Variants in KASH5 observed in about 807,000 individuals in gnomAD.
The protein encoded by KASH5 is protein KASH5.
A neutral mutation model predicts 84.2 loss-of-function variants in KASH5; 72 were observed. The ratio of observed to expected loss-of-function variants is 0.85; its 90% CI spans 0.71 to 1.04. The LOEUF (loss-of-function observed/expected upper bound fraction) is 1.04. Among genes scored for constraint, KASH5 ranks in the 50% least tolerant of loss-of-function variants. The probability of loss-of-function intolerance (pLI) is 0.00; values close to 1 mark genes in which losing one functional copy is unlikely to be tolerated. For missense variants in KASH5, 650 were observed against 701.0 expected, an observed-to-expected ratio of 0.93 and a Z score of 0.82; for synonymous variants, 260 against 279.1, an observed-to-expected ratio of 0.93 and a Z score of 0.68.
chr19:49,392,802 C>T (rs148320499), intron 2 of KASH5, among the ~76,000 whole-genome samples: 1,746 of 152,130 alleles, frequency 0.011, 39 homozygotes, highest in African/African-American at 0.04. Flanking sequence ...ATCCCAGCTA[C>T]TCGGGAGGCT....
chr19:49,413,339 G>A (rs1051680539), intron 16 of KASH5, among the ~76,000 whole-genome samples: 2 of 152,328 alleles, frequency 1.3e-5, no homozygotes, highest in South Asian at 2.1e-4. Context: ...TTTGCAGTCA[G>A]GCTGGTGTAA....
In KASH5 at chr19:49,395,833, G is replaced by A; in HGVS notation, c.400G>A (p.Gly134Arg). ...GALTSRQLPSGCPEAEEPANL... is the reference protein window; with the variant it reads ...GALTSRQLPSRCPEAEEPANL... ...CCTGACCTCCCGGCAACTGCCATCT[G>A]GTGAGATTGCTATATATAGAATGAA... The change falls in exon 5 of 20, where the codon GGA becomes AGA. Residue 134 changes from glycine (G) to arginine (R), a missense_variant and splice_region_variant. Coordinates refer to ENST00000447857, the MANE Select transcript of KASH5 (RefSeq NM_144688.5). The surrounding 1 kb of genome is among the most constrained non-coding windows in gnomAD (Gnocchi z 4.4). 6.4e-7 allele frequency: 1 copy of A among 1,556,838 alleles called. No homozygotes were observed. The highest frequency in any genetic ancestry group is 1.2e-5 in the South Asian group (1 of 84,276).
Position 49,395,289 on chromosome 19 carries a change from A to G in KASH5, c.332A>G (p.His111Arg), listed in dbSNP as rs1568610666. The G allele has an allele frequency of 1.2e-6, 2 of 1,612,764 alleles. No homozygotes were observed. The highest frequency in any genetic ancestry group is 1.7e-6 in the Non-Finnish European group (2 of 1,179,422). ...MRDWIAACQL[H>R]GGLELEEETA... Reference sequence around the variant, plus strand: ...GACTGGATTGCTGCCTGTCAACTACATGGGTGAGTCCCCACATCTTCATCC... The same window carrying G: ...GACTGGATTGCTGCCTGTCAACTACGTGGGTGAGTCCCCACATCTTCATCC... The change falls in exon 4 of 20, where the codon CAT becomes CGT. Residue 111 changes from histidine to arginine, a missense_variant. By Grantham distance (29) the His-to-Arg change is conservative. Transcript: ENST00000447857. This position sits in a 1 kb window ranked among gnomAD's most constrained non-coding sequence, Gnocchi z 4.4.
intron 9 of KASH5, among the ~76,000 whole-genome samples, chr19:49,403,256 C>T (rs1974420597): frequency 1.3e-5 from 2 of 152,134 alleles, no homozygotes; most frequent in African/African-American, 4.8e-5. Flanking sequence ...CGCTATAGTC[C>T]CAGCTACTCT....
chr19:49,402,567 C>T (rs1173320583), intron 9 of KASH5, among the ~76,000 whole-genome samples: 5 of 150,746 alleles, frequency 3.3e-5, no homozygotes, highest in Non-Finnish European at 7.4e-5. Flanking sequence ...ATTAGCCAGG[C>T]GTGGTGGCAG....
In KASH5 at chr19:49,417,310, T is replaced by C. The variant is rs1974941322; in HGVS notation, c.1547+44T>C. The stretch of plus-strand genomic sequence containing the variant: ...CCAGAAGGAAGGAGGTGGTCTGACA[T>C]TGGGAAGAGCAGGGGCTGCCCAGAC... On this transcript the variant is annotated intron_variant, in intron 19 of 19. Transcript: ENST00000447857. This position sits in a 1 kb window ranked among gnomAD's most constrained non-coding sequence, Gnocchi z 5.2. 5 of 1,588,620 alleles carry C rather than the reference T, an allele frequency of 3.1e-6. No individual in the cohort carries two copies. In the Admixed American group the frequency reaches 5.3e-5, roughly 17 times the overall value.
At chr19:49,409,700 G>C in intron 14 of KASH5, 53 bp from the exon 15 acceptor site, 1 of 1,611,302 alleles carries the variant, frequency 6.2e-7, no homozygotes, top group Non-Finnish European at 8.5e-7. Context: ...CTCTGACCTT[G>C]TTTTCTACCT....
At chr19:49,391,429 T>C (rs1483061709) in intron 2 of KASH5, among the ~76,000 whole-genome samples, 2 of 152,156 alleles carry the variant, frequency 1.3e-5, no homozygotes, top group Admixed American at 1.3e-4. Flanking sequence ...AGGTAATTTA[T>C]TATTTTTTAA....
At chr19:49,394,760 T>C in intron 3 of KASH5, 180 bp downstream of exon 3, 1 of 597,588 alleles carries the variant, frequency 1.7e-6, no homozygotes, top group Non-Finnish European at 3.0e-6. Flanking sequence ...GTGAAGGCCT[T>C]TTAGAATGAG....
chr19:49,407,081 C>G (rs147642514), intron 10 of KASH5, 118 bp downstream of exon 10: 1 of 1,248,070 alleles, frequency 8.0e-7, no homozygotes, highest in East Asian at 2.5e-5. Flanking sequence ...CTGTCAGGCT[C>G]CCAGGACCAC....
Position 49,414,962 on chromosome 19 carries a change from G to T in KASH5, c.1340G>T (p.Arg447Ile). The change falls in exon 17 of 20, where the codon AGA becomes ATA. Residue 447 changes from arginine (R) to isoleucine (I), a missense_variant. Coordinates refer to ENST00000447857, the MANE Select transcript of KASH5 (RefSeq NM_144688.5). This position sits in a 1 kb window ranked among gnomAD's most constrained non-coding sequence, Gnocchi z 4.5. Reference sequence around the variant, plus strand: ...TTGTTGGCCCTCAGGTTGACCAGAAGAGAGGAAGAGGAGGATGCAGAGAGC... The same window carrying T: ...TTGTTGGCCCTCAGGTTGACCAGAATAGAGGAAGAGGAGGATGCAGAGAGC... The part of the protein sequence containing the change: ...RKEPSMWLTR[R>I]EEEEDAESQV... 1 of 1,613,062 alleles carries T rather than the reference G, an allele frequency of 6.2e-7. No individual in the cohort carries two copies.
intron 9 of KASH5, among the ~76,000 whole-genome samples, chr19:49,402,039 C>T (rs886466834): frequency 4.6e-5 from 7 of 150,596 alleles, no homozygotes; most frequent in East Asian, 2.0e-4. Flanking sequence ...ATCAGGAGTT[C>T]GAGACCAGCC....
chr19:49,395,172 C>G lies in KASH5; in HGVS notation c.215C>G (p.Ala72Gly). Residue 72 changes from alanine to glycine, a missense_variant, in exon 4 of 20, where the codon GCA becomes GGA. Transcript: ENST00000447857. The surrounding 1 kb of genome is among the most constrained non-coding windows in gnomAD (Gnocchi z 4.4). ...GTGACAGGCCAGGGCCCCCAGGATGCACGCCTCCAAACATTGGCCAACAGC... is the reference window on the plus strand; with the variant it reads ...GTGACAGGCCAGGGCCCCCAGGATGGACGCCTCCAAACATTGGCCAACAGC... ...EAVTGQGPQD[A>G]RLQTLANSLD... The G allele has an allele frequency of 6.2e-7, 1 of 1,613,030 alleles. No homozygotes were observed. Among genetic ancestry groups the G allele is most frequent in the Non-Finnish European group, 8.5e-7 (1 of 1,179,516 alleles).
chr19:49,390,661 G>A, intron 1 of KASH5, 128 bp from the exon 2 acceptor site: 3 of 507,798 alleles, frequency 5.9e-6, no homozygotes, highest in Non-Finnish European at 1.0e-5. Context: ...GAGCGGAGCT[G>A]CTCAGGTCAC....
rs1014080671 is a variant in KASH5 at position 49,395,616 on chromosome 19, G to A, written c.336-153G>A. ...CCCTCCTGCTTTTCCATCTGGCCAC[G>A]GGCACTTGCCATCTGGCCTCACCCT... On this transcript the variant is annotated intron_variant, in intron 4 of 19. Transcript: ENST00000447857. The surrounding 1 kb of genome is among the most constrained non-coding windows in gnomAD (Gnocchi z 4.4). 3.4e-5 allele frequency: 25 copies of A among 741,214 alleles called. No individual in the cohort carries two copies. Among genetic ancestry groups the A allele is most frequent in the African/African-American group, 1.6e-4 (9 of 57,258 alleles). 45.9% of individuals were successfully genotyped at this position (741,214 alleles called of 1,614,324 possible). A position where few individuals can be genotyped will look rare whatever the true frequency, so the allele number is the denominator to read the frequency against.
At chr19:49,409,095 C>T (rs1267983595) in intron 13 of KASH5, 64 bp downstream of exon 13, 2 of 1,579,278 alleles carry the variant, frequency 1.3e-6, no homozygotes, top group Non-Finnish European at 8.6e-7. Flanking sequence ...GACACCCTGG[C>T]CTCCAGCCCC....
intron 2 of KASH5, chr19:49,393,253 G>T (rs1974060436): frequency 6.6e-6 from 1 of 152,210 alleles, no homozygotes; most frequent in African/African-American, 2.4e-5. Context: ...CCTACTAAAT[G>T]CTCAATAAGT....
rs1267543544 is a variant in KASH5, at chr19:49,399,500, A to G, written c.791A>G (p.Gln264Arg). The G allele has an allele frequency of 3.1e-6, 5 of 1,609,864 alleles. No homozygotes were observed. The highest frequency in any genetic ancestry group is 3.4e-6 in the Non-Finnish European group (4 of 1,178,256). Residue 264 changes from glutamine to arginine, a missense_variant, in exon 9 of 20, where the codon CAG becomes CGG. Physicochemically the swap from Gln to Arg is conservative, Grantham distance 43 (BLOSUM62 1). Transcript: ENST00000447857. This position sits in a 1 kb window ranked among gnomAD's most constrained non-coding sequence, Gnocchi z 4.4. ...CTGGTGGCTGAGATGGAGACTCTGCAGGAGGAGGTGAGCGGAGGCCCAGCA... is the reference window on the plus strand; with the variant it reads ...CTGGTGGCTGAGATGGAGACTCTGCGGGAGGAGGTGAGCGGAGGCCCAGCA... ...QHLVAEMETL[Q>R]EENGKLLAER... is the part of the protein sequence containing the mutation.
chr19:49,400,064 A>G (rs981431539), intron 9 of KASH5, among the ~76,000 whole-genome samples: 21 of 152,034 alleles, frequency 1.4e-4, no homozygotes, highest in African/African-American at 4.8e-4. Flanking sequence ...CCTTGCCTCT[A>G]CAAAAAATAG....
Sources: allele counts gnomAD v4.1 joint callset (sites outside exome capture counted in the v4.1 genomes callset), GRCh38; gene constraint gnomAD v4.1.1; non-coding constraint Gnocchi (gnomAD v3.1); transcripts MANE v1.5; gene names NCBI Gene and HGNC (gene_info 2026-07-23, HGNC 2026-07-21).